The following ALCAM variants were observed in gnomAD, a reference collection of about 807,000 sequenced individuals.
ALCAM encodes the protein activated leukocyte cell adhesion molecule, also known as CD166 antigen.
ALCAM carries 30 observed loss-of-function variants against 70.9 expected under a neutral mutation model. The observed-to-expected ratio is 0.42, with a 90% confidence interval of 0.32 to 0.57. The LOEUF is 0.57. Among genes scored for constraint, ALCAM ranks in the 20% least tolerant of loss-of-function variants. The probability of loss-of-function intolerance (pLI) is 0.11; values close to 1 mark genes in which losing one functional copy is unlikely to be tolerated. For synonymous variants in ALCAM, 249 were observed against 242.5 expected (o/e 1.03, Z -0.25); for missense variants, 591 against 695.1 (o/e 0.85, Z 1.68).
At chr3:105,460,772 TTTC>T (rs1937591312) in intron 1 of ALCAM, among the ~76,000 whole-genome samples, 1 of 151,958 alleles carries the variant, frequency 6.6e-6, no homozygotes, top group Non-Finnish European at 1.5e-5. Context: ...GAAAATGGCT[TTTC>T]AATTTTTAAT....
chr3:105,458,801 T>G (rs966695406), intron 1 of ALCAM, among the ~76,000 whole-genome samples: 1 of 152,194 alleles, frequency 6.6e-6, no homozygotes, highest in Non-Finnish European at 1.5e-5. Context: ...GCTCTGCTCC[T>G]GTTTTTTAGC....
chr3:105,438,502 G>T (rs563088789), intron 1 of ALCAM, among the ~76,000 whole-genome samples: 53 of 152,082 alleles, frequency 3.5e-4, no homozygotes, highest in Non-Finnish European at 6.8e-4. Flanking sequence ...ATCGATAAAT[G>T]TTAAAAGAAA....
intron 1 of ALCAM, among the ~76,000 whole-genome samples, chr3:105,386,641 C>T (rs1400932864): frequency 6.6e-6 from 1 of 150,420 alleles, no homozygotes; most frequent in African/African-American, 2.4e-5. Context: ...TAGACTTGGG[C>T]TTGTCATTAT....
chr3:105,565,761 G>T (rs905944090), intron 14 of ALCAM, among the ~76,000 whole-genome samples: 1 of 152,120 alleles, frequency 6.6e-6, no homozygotes, highest in African/African-American at 2.4e-5. Context: ...TTTGGAGCTT[G>T]GTTTTAAACT....
At chr3:105,404,740 A>G (rs1168467151) in intron 1 of ALCAM, among the ~76,000 whole-genome samples, 1 of 152,158 alleles carries the variant, frequency 6.6e-6, no homozygotes, top group Non-Finnish European at 1.5e-5. Flanking sequence ...CTCATATCTC[A>G]ATACTAACAT....
At chr3:105,510,277 G>A (rs909788374) in intron 1 of ALCAM, among the ~76,000 whole-genome samples, 20 of 152,022 alleles carry the variant, frequency 1.3e-4, no homozygotes, top group African/African-American at 3.4e-4. Flanking sequence ...TCAGGGAATC[G>A]GGGTATCCGT....
chr3:105,471,810 C>A (rs553763060), intron 1 of ALCAM, among the ~76,000 whole-genome samples: 82 of 151,188 alleles, frequency 5.4e-4, no homozygotes, highest in Non-Finnish European at 1.1e-3. Flanking sequence ...AACCCTTATA[C>A]ATCCACTCTC....
chr3:105,454,196 T>C (rs915810836), intron 1 of ALCAM, among the ~76,000 whole-genome samples: 6 of 152,226 alleles, frequency 3.9e-5, no homozygotes, highest in Non-Finnish European at 8.8e-5. Flanking sequence ...TTTGCTTTTG[T>C]TGTCAATTAA....
chr3:105,437,409 C>G (rs1937073443), intron 1 of ALCAM, among the ~76,000 whole-genome samples: 1 of 151,854 alleles, frequency 6.6e-6, no homozygotes, highest in South Asian at 2.1e-4. Flanking sequence ...TAAGCCTTTC[C>G]CAATTTCTGA....
chr3:105,499,033 A>T (rs1028559255), intron 1 of ALCAM, among the ~76,000 whole-genome samples: 1 of 152,178 alleles, frequency 6.6e-6, no homozygotes, highest in Non-Finnish European at 1.5e-5. Flanking sequence ...CAAAGGATAT[A>T]ACTTATCTCA....
At chr3:105,569,932 C>T (rs374654370) in intron 14 of ALCAM, among the ~76,000 whole-genome samples, 2 of 152,208 alleles carry the variant, frequency 1.3e-5, no homozygotes, top group South Asian at 4.2e-4. Flanking sequence ...GGAATAGGAG[C>T]AAGCCAAAGG....
At position 105,462,959 on chromosome 3, in the gene ALCAM, G is replaced by C. The variant is rs374345691; in HGVS notation, c.74-57108G>C. On this transcript the variant is annotated intron_variant, in intron 1 of 15. Coordinates refer to ENST00000306107, the MANE Select transcript of ALCAM (RefSeq NM_001627.4). ...CACTCTCTAAATTTACCTTGAGAGA[G>C]ATCAGATCCATATCATAAGAAAAAT... is the stretch of plus-strand genomic sequence containing the variant. Among the ~76,000 whole-genome samples the C allele has an allele frequency of 2.0e-3, 301 of 151,556 alleles. 1 individual carries two copies. Among genetic ancestry groups the C allele is most frequent in the South Asian group, 0.019 (91 of 4,824 alleles).
intron 3 of ALCAM, among the ~76,000 whole-genome samples, chr3:105,526,451 A>G (rs1939708314): frequency 6.6e-6 from 1 of 152,094 alleles, no homozygotes; most frequent in Admixed American, 6.5e-5. Context: ...TATTGTGAAA[A>G]CAAACTCACA....
chr3:105,540,410 A>G (rs903704652), intron 7 of ALCAM, among the ~76,000 whole-genome samples: 1 of 152,138 alleles, frequency 6.6e-6, no homozygotes, highest in South Asian at 2.1e-4. Flanking sequence ...TACAAAATGA[A>G]AACTGATGAC....
intron 1 of ALCAM, among the ~76,000 whole-genome samples, chr3:105,406,732 C>CA (rs1365888661): frequency 6.8e-6 from 1 of 146,906 alleles, no homozygotes; most frequent in Admixed American, 6.8e-5. Context: ...ACAACAACAA[C>CA]AAAAAACAAT....
intron 1 of ALCAM, among the ~76,000 whole-genome samples, chr3:105,389,806 A>G (rs1935763989): frequency 6.9e-6 from 1 of 144,822 alleles, no homozygotes; most frequent in Admixed American, 7.1e-5. Context: ...CTTATTGTTC[A>G]GCTCCCACTT....
chr3:105,465,583 C>T (rs1201303439), intron 1 of ALCAM, among the ~76,000 whole-genome samples: 1 of 151,356 alleles, frequency 6.6e-6, no homozygotes, highest in Non-Finnish European at 1.5e-5. Flanking sequence ...GAAAGTAGCC[C>T]TCTCTAGCTC....
chr3:105,440,931 G>A (rs1937156546), intron 1 of ALCAM: 2 of 152,082 alleles, frequency 1.3e-5, no homozygotes, highest in South Asian at 4.1e-4. Context: ...AGGAATGAAG[G>A]CATGGAAACA....
intron 4 of ALCAM, among the ~76,000 whole-genome samples, chr3:105,532,335 G>T (rs920685270): frequency 1.3e-5 from 2 of 152,146 alleles, no homozygotes; most frequent in African/African-American, 2.4e-5. Context: ...GAAGGATGAA[G>T]CCAGTTAGCA....
Sources: gnomAD v4.1 joint callset for allele counts (sites outside exome capture counted in the v4.1 genomes callset) on GRCh38, gnomAD v4.1.1 for gene constraint, MANE v1.5 for transcripts, NCBI Gene and HGNC (gene_info 2026-07-23, HGNC 2026-07-21) for gene names.